GABRB2: variants seen among roughly 807,000 people sequenced by gnomAD.
GABRB2 encodes gamma-aminobutyric acid receptor subunit beta-2.
GABRB2 carries 16 observed loss-of-function variants against 54.7 expected under a neutral mutation model. The observed-to-expected ratio is 0.29, with a 90% CI of 0.20 to 0.44. The LOEUF (loss-of-function observed/expected upper bound fraction) is 0.44. Among genes scored for constraint, GABRB2 ranks in the 20% least tolerant of loss-of-function variants. The pLI, the probability that GABRB2 is intolerant of heterozygous loss-of-function variation, is 1.00. For missense variants in GABRB2, 355 were observed against 644.0 expected, an observed-to-expected ratio of 0.55 and a Z score of 4.86; for synonymous variants, 244 against 233.8, an observed-to-expected ratio of 1.04 and a Z score of -0.40.
intron 6 of GABRB2, among the ~76,000 whole-genome samples, chr5:161,335,261 G>C (rs753330565): frequency 5.3e-5 from 8 of 152,072 alleles, no homozygotes; most frequent in Non-Finnish European, 1.2e-4. Context: ...TTAATCTTAT[G>C]TGAGAGTGAG....
intron 4 of GABRB2, among the ~76,000 whole-genome samples, chr5:161,450,530 T>C (rs879447515): frequency 3.3e-5 from 5 of 152,106 alleles, no homozygotes; most frequent in East Asian, 1.9e-4. Context: ...TTGTTTTCTA[T>C]CATCAGTCAG....
intron 4 of GABRB2, among the ~76,000 whole-genome samples, chr5:161,456,178 C>T (rs1410596620): frequency 2.0e-5 from 3 of 152,152 alleles, no homozygotes; most frequent in Non-Finnish European, 4.4e-5. Flanking sequence ...TTTCTTCTGC[C>T]AGCTTCCCAT....
At chr5:161,514,282 T>A (rs7716156) in intron 3 of GABRB2, among the ~76,000 whole-genome samples, 1 of 152,082 alleles carries the variant, frequency 6.6e-6, no homozygotes, top group South Asian at 2.1e-4. Flanking sequence ...TCCTTGAAAC[T>A]CCAACCTCTT....
chr5:161,358,678 T>A (rs13185240), intron 5 of GABRB2, among the ~76,000 whole-genome samples: 14 of 151,882 alleles, frequency 9.2e-5, no homozygotes, highest in Non-Finnish European at 1.6e-4. Context: ...GGTAGGTGGG[T>A]AGAGGTAGTG....
chr5:161,404,896 T>C (rs1160904905), intron 5 of GABRB2, among the ~76,000 whole-genome samples: 3 of 152,100 alleles, frequency 2.0e-5, no homozygotes, highest in African/African-American at 7.2e-5. Context: ...TACAGCTACT[T>C]AGAGATCATG....
chr5:161,481,371 C>G (rs909960651), intron 3 of GABRB2, among the ~76,000 whole-genome samples: 3 of 152,006 alleles, frequency 2.0e-5, no homozygotes, highest in Non-Finnish European at 4.4e-5. Context: ...AGGCCTCCTT[C>G]TAATTATTAC....
rs965698839 is a variant in GABRB2 at position 161,426,553 on chromosome 5, T to C, written c.459-15496A>G. The stretch of plus-strand genomic sequence containing the variant: ...ACACACATCTGTAATGCAGGGTTGT[T>C]TAAAAACACAAGATGAAATGAAGAA... On this transcript the variant is annotated intron_variant, in intron 4 of 9. Coordinates refer to ENST00000393959, the MANE Select transcript of GABRB2 (RefSeq NM_001371727.1). Among the ~76,000 whole-genome samples, 8 of 151,998 alleles carry C rather than the reference T, an allele frequency of 5.3e-5. No homozygotes were observed. The East Asian group carries it at 1.5e-3, about 29-fold the overall frequency.
intron 9 of GABRB2, among the ~76,000 whole-genome samples, chr5:161,298,388 A>G (rs1003009262): frequency 3.9e-5 from 6 of 152,096 alleles, no homozygotes; most frequent in African/African-American, 1.4e-4. Context: ...TGTCTTCCCC[A>G]CCATACTATA....
chr5:161,346,373 A>G lies in GABRB2; in HGVS notation c.542-9604T>C, dbSNP rs573512656. 9.2e-5 allele frequency among the ~76,000 whole-genome samples: 14 copies of G among 152,244 alleles called. No homozygotes were observed. The South Asian group carries it at 2.9e-3, about 32-fold the overall frequency. On this transcript the variant is annotated intron_variant, in intron 5 of 9. Coordinates refer to ENST00000393959, the MANE Select transcript of GABRB2 (RefSeq NM_001371727.1). ...AAAAGTGGATATAGTCACACAGAAG[A>G]GTTTGTTAACTCAAAAGTGATAATG... is the stretch of plus-strand genomic sequence containing the variant.
chr5:161,373,683 A>AC (rs1755197689), intron 5 of GABRB2, among the ~76,000 whole-genome samples: 1 of 152,178 alleles, frequency 6.6e-6, no homozygotes, highest in African/African-American at 2.4e-5. Context: ...TTTCTCAGTT[A>AC]TTATATATTC....
chr5:161,472,377 A>T (rs962114510), intron 3 of GABRB2, among the ~76,000 whole-genome samples: 2 of 151,604 alleles, frequency 1.3e-5, no homozygotes, highest in African/African-American at 4.8e-5. Context: ...CTTCGCCAAC[A>T]TTGCTTCTAT....
At chr5:161,548,167 C>T (rs1390193519), upstream of GABRB2, 4 of 152,428 alleles carry the variant, frequency 2.6e-5, no homozygotes, top group Admixed American at 2.6e-4. Flanking sequence ...TCCCTTCCTC[C>T]TGAAGCTCAG....
At chr5:161,380,193 A>C (rs1305867035) in intron 5 of GABRB2, among the ~76,000 whole-genome samples, 1 of 152,142 alleles carries the variant, frequency 6.6e-6, no homozygotes, top group African/African-American at 2.4e-5. Context: ...ATTAATAGAC[A>C]AATAGATTTT....
chr5:161,410,392 A>T (rs942232950), intron 5 of GABRB2, among the ~76,000 whole-genome samples: 1 of 16,404 alleles, frequency 6.1e-5, no homozygotes, highest in African/African-American at 9.6e-5. Flanking sequence ...CAGAATTCTC[A>T]CACACACACA....
intron 5 of GABRB2, among the ~76,000 whole-genome samples, chr5:161,389,025 G>T (rs1031947504): frequency 4.6e-5 from 7 of 151,906 alleles, no homozygotes; most frequent in African/African-American, 1.7e-4. Context: ...AGTAAAAAGA[G>T]ACTTATAACC....
intron 9 of GABRB2, among the ~76,000 whole-genome samples, chr5:161,295,672 T>C (rs1308634974): frequency 2.0e-5 from 3 of 152,212 alleles, no homozygotes; most frequent in African/African-American, 4.8e-5. Flanking sequence ...ATATTAACAA[T>C]TAACTTTCAA....
intron 5 of GABRB2, among the ~76,000 whole-genome samples, chr5:161,385,981 T>C (rs1755619667): frequency 2.6e-5 from 4 of 151,008 alleles, no homozygotes; most frequent in South Asian, 4.2e-4. Context: ...TGTGTGTGTG[T>C]GTGTGTGTGT....
chr5:161,522,408 G>C (rs1189361069), intron 3 of GABRB2, among the ~76,000 whole-genome samples: 9 of 151,698 alleles, frequency 5.9e-5, no homozygotes, highest in Non-Finnish European at 8.9e-5. Context: ...GCACTACAGA[G>C]TTAGCAATGC....
intron 8 of GABRB2, among the ~76,000 whole-genome samples, chr5:161,328,598 C>T (rs10068979): frequency 0.074 from 11,190 of 152,104 alleles, 483 homozygotes; most frequent in African/African-American, 0.079. Context: ...TGTTCTAAAC[C>T]ATGACTCATG....
Sources: allele counts gnomAD v4.1 joint callset (sites outside exome capture counted in the v4.1 genomes callset), GRCh38; gene constraint gnomAD v4.1.1; transcripts MANE v1.5; gene names NCBI Gene and HGNC (gene_info 2026-07-23, HGNC 2026-07-21).